Variants in DNAJC11 observed in about 807,000 individuals in gnomAD.
DNAJC11 encodes the protein dnaJ homolog subfamily C member 11.
Under a neutral mutation model 78.6 loss-of-function variants are expected in DNAJC11, and 15 were observed. The ratio of observed to expected loss-of-function variants is 0.19; its 90% confidence interval spans 0.13 to 0.29. The LOEUF is 0.29. Ranked by LOEUF, DNAJC11 falls within the 10% of genes least tolerant of loss-of-function variation. The pLI, the probability that DNAJC11 is intolerant of heterozygous loss-of-function variation, is 1.00. For missense variants in DNAJC11, 547 were observed against 709.6 expected (o/e 0.77, Z 2.60); for synonymous variants, 292 against 272.1 (o/e 1.07, Z -0.72).
intron 3 of DNAJC11, among the ~76,000 whole-genome samples, chr1:6,676,864 G>A (rs1444453601): frequency 6.6e-6 from 1 of 152,094 alleles, no homozygotes; most frequent in Non-Finnish European, 1.5e-5. Context: ...AGGCACGCAT[G>A]CTTGAGACTA....
At chr1:6,637,394 G>A in intron 13 of DNAJC11, 53 bp downstream of exon 13, 1 of 1,614,158 alleles carries the variant, frequency 6.2e-7, no homozygotes, top group East Asian at 2.2e-5. Flanking sequence ...TCCTTGTGTG[G>A]CTTAGAGACC....
chr1:6,699,934 C>T (rs1642898845), intron 1 of DNAJC11, among the ~76,000 whole-genome samples: 2 of 152,152 alleles, frequency 1.3e-5, no homozygotes, highest in South Asian at 4.1e-4. Context: ...TGCTCAGTAT[C>T]AAGCCTCTGA....
intron 1 of DNAJC11, among the ~76,000 whole-genome samples, chr1:6,691,508 A>G (rs893039722): frequency 6.6e-6 from 1 of 152,206 alleles, no homozygotes; most frequent in Non-Finnish European, 1.5e-5. Context: ...GATGGCTCAG[A>G]TCCTATCTTC....
chr1:6,683,116 G>A (rs1172662979), intron 1 of DNAJC11, among the ~76,000 whole-genome samples: 2 of 152,168 alleles, frequency 1.3e-5, no homozygotes, highest in African/African-American at 4.8e-5. Flanking sequence ...GAATTGGTGA[G>A]ACCCCACTCC....
intron 7 of DNAJC11, among the ~76,000 whole-genome samples, chr1:6,647,072 G>A (rs2148730987): frequency 7.0e-6 from 1 of 142,464 alleles, no homozygotes; most frequent in Non-Finnish European, 1.5e-5. Flanking sequence ...ACTTGAGCCT[G>A]GACAGGTCTT....
chr1:6,668,655 A>C (rs1212526328), intron 3 of DNAJC11, among the ~76,000 whole-genome samples: 1 of 151,442 alleles, frequency 6.6e-6, no homozygotes, highest in Non-Finnish European at 1.5e-5. Flanking sequence ...GTTGGCCTCA[A>C]ACTCTTGGCC....
intron 3 of DNAJC11, among the ~76,000 whole-genome samples, chr1:6,672,999 C>T (rs1046947082): frequency 3.3e-5 from 5 of 151,946 alleles, no homozygotes; most frequent in African/African-American, 1.2e-4. Context: ...TGTTTGAGAC[C>T]AGCCTGGCCA....
chr1:6,658,035 C>T (rs1169694915), intron 4 of DNAJC11, among the ~76,000 whole-genome samples: 1 of 152,222 alleles, frequency 6.6e-6, no homozygotes, highest in East Asian at 1.9e-4. Flanking sequence ...ACAGTGATCA[C>T]AGAATCTTCA....
chr1:6,651,481 T>C (rs1252877373), intron 7 of DNAJC11, 48 bp downstream of exon 7: 3 of 1,537,178 alleles, frequency 2.0e-6, no homozygotes, highest in Non-Finnish European at 2.7e-6. Context: ...TCTAGTCTCC[T>C]AAGCCAACAA....
chr1:6,670,991 A>G (rs1368065974), intron 3 of DNAJC11: 1 of 152,258 alleles, frequency 6.6e-6, no homozygotes, highest in Non-Finnish European at 1.5e-5. Context: ...GAAGATCCAG[A>G]AAATATGCTT....
intron 7 of DNAJC11, among the ~76,000 whole-genome samples, chr1:6,648,839 G>A (rs1642007064): frequency 1.3e-5 from 2 of 152,178 alleles, no homozygotes; most frequent in African/African-American, 4.8e-5. Flanking sequence ...TACAGATGCT[G>A]TTTCCCTGCT....
At chr1:6,688,959 C>T (rs1275181809) in intron 1 of DNAJC11, among the ~76,000 whole-genome samples, 2 of 152,208 alleles carry the variant, frequency 1.3e-5, no homozygotes, top group Non-Finnish European at 2.9e-5. Context: ...GCCACGGCCC[C>T]TGACCACACG....
At chr1:6,673,743 AT>A (rs1486909935) in intron 3 of DNAJC11, among the ~76,000 whole-genome samples, 2 of 152,160 alleles carry the variant, frequency 1.3e-5, no homozygotes, top group African/African-American at 4.8e-5. Flanking sequence ...CCAATCCAAG[AT>A]TCCACGTTGC....
At chr1:6,661,065 G>A (rs1381935775) in intron 4 of DNAJC11, among the ~76,000 whole-genome samples, 1 of 152,204 alleles carries the variant, frequency 6.6e-6, no homozygotes, top group Non-Finnish European at 1.5e-5. Context: ...CAGGTGTACA[G>A]TGTGCTGATT....
At chr1:6,655,135 C>G (rs539817771) in intron 4 of DNAJC11, among the ~76,000 whole-genome samples, 1 of 152,280 alleles carries the variant, frequency 6.6e-6, no homozygotes, top group South Asian at 2.1e-4. Context: ...TCTGAAAATG[C>G]ATTAACCCTA....
At chr1:6,654,151 G>T in intron 4 of DNAJC11, 112 bp from the exon 5 acceptor site, 1 of 1,363,356 alleles carries the variant, frequency 7.3e-7, no homozygotes, top group Non-Finnish European at 1.0e-6. Flanking sequence ...TTGACTTCAG[G>T]GTTCACTGGG....
chr1:6,634,617 A>C lies in DNAJC11; in HGVS notation c.*1058T>G, dbSNP rs771650199. 3 of 1,366,356 alleles carry C rather than the reference A, an allele frequency of 2.2e-6. No homozygotes were observed. The allele number at this position is 1,366,356 out of a possible 1,614,324, so 84.6% of individuals were successfully genotyped here. The stretch of plus-strand genomic sequence containing the variant: ...AGGCCCCGAGAGACAGGCCTCACGT[A>C]ACTTTACTGCAGCCGAGGTCCAGGC... On this transcript the variant is annotated 3_prime_UTR_variant, in exon 16 of 16. Coordinates refer to ENST00000377577, the MANE Select transcript of DNAJC11 (RefSeq NM_018198.4).
Position 6,634,764 on chromosome 1 carries a change from A to C in DNAJC11, c.*911T>G. On this transcript the variant is annotated 3_prime_UTR_variant, in exon 16 of 16. Coordinates refer to ENST00000377577, the MANE Select transcript of DNAJC11 (RefSeq NM_018198.4). Reference sequence around the variant, plus strand: ...CCTGTGAGGACGCTGGACCTGCAGGAGCGGGGAGCTGCAGTGCCACCTGCT... The same window carrying C: ...CCTGTGAGGACGCTGGACCTGCAGGCGCGGGGAGCTGCAGTGCCACCTGCT... 1 of 1,333,628 alleles carries C rather than the reference A, an allele frequency of 7.5e-7. No individual in the cohort carries two copies. The highest frequency in any genetic ancestry group is 1.0e-6 in the Non-Finnish European group (1 of 1,004,508). 82.6% of individuals were successfully genotyped at this position (1,333,628 alleles called of 1,614,324 possible).
intron 4 of DNAJC11, among the ~76,000 whole-genome samples, chr1:6,660,161 A>ATT (rs932954545): frequency 2.1e-5 from 3 of 139,910 alleles, no homozygotes; most frequent in Non-Finnish European, 1.5e-5. Flanking sequence ...CTAATATATA[A>ATT]TTTTTTTTTT....
Sources: allele counts gnomAD v4.1 joint callset (sites outside exome capture counted in the v4.1 genomes callset), GRCh38; gene constraint gnomAD v4.1.1; transcripts MANE v1.5; gene names NCBI Gene and HGNC (gene_info 2026-07-23, HGNC 2026-07-21).